Variants in WWTR1 observed in about 807,000 individuals in gnomAD.
WWTR1 encodes WW domain-containing transcription regulator protein 1.
In WWTR1, 13 loss-of-function variants were observed where a neutral mutation model predicts 40.1. The ratio of observed to expected loss-of-function variants is 0.32; its 90% confidence interval spans 0.21 to 0.52. The LOEUF (loss-of-function observed/expected upper bound fraction) is 0.52. WWTR1 is among the 20% of genes least tolerant of loss of function. The pLI is 0.97. For missense variants in WWTR1, 436 were observed against 523.1 expected, an observed-to-expected ratio of 0.83 and a Z score of 1.63; for synonymous variants, 230 against 210.1, an observed-to-expected ratio of 1.09 and a Z score of -0.82.
intron 3 of WWTR1, chr3:149,724,656 A>C (rs1312960311): frequency 6.6e-6 from 1 of 152,156 alleles, no homozygotes; most frequent in Non-Finnish European, 1.5e-5. Context: ...ACCCTATGTT[A>C]AGAACCCCTT....
intron 4 of WWTR1, chr3:149,723,994 G>A (rs1341140093): frequency 6.6e-6 from 1 of 152,200 alleles, no homozygotes; most frequent in Non-Finnish European, 1.5e-5. Flanking sequence ...GATTACAGCT[G>A]AAATTGATGA....
chr3:149,667,766 A>C (rs1351186746), intron 2 of WWTR1, among the ~76,000 whole-genome samples: 2 of 152,184 alleles, frequency 1.3e-5, no homozygotes, highest in Non-Finnish European at 2.9e-5. Flanking sequence ...TTGTAGTTCT[A>C]CTGAGTCATC....
rs777160381 is a variant in WWTR1, at chr3:149,520,930, A to G, written c.1078T>C (p.Phe360Leu). 3 of 1,613,518 alleles carry G rather than the reference A, an allele frequency of 1.9e-6. No homozygotes were observed. The African/African-American group carries it at 4.0e-5, about 22-fold the overall frequency. ...TTTGTTCCTGGAAGACAGTCAAGGA[A>G]ATCAGGGAAACGGGTCTGTTGGGGA... ...INPQQTRFPDFLDCLPGTNVD... is the reference protein window; with the variant it reads ...INPQQTRFPDLLDCLPGTNVD... The change falls in exon 7 of 7, where the codon TTC becomes CTC. Residue 360 changes from phenylalanine (F) to leucine (L), a missense_variant. Phe to Leu is a conservative substitution (Grantham distance 22). Transcript: ENST00000360632.
At chr3:149,551,312 G>T (rs1736609987) in intron 3 of WWTR1, among the ~76,000 whole-genome samples, 1 of 142,454 alleles carries the variant, frequency 7.0e-6, no homozygotes, top group Non-Finnish European at 1.5e-5. Context: ...AAAAAAAAGA[G>T]TAGAACAGGT....
Position 149,584,611 on chromosome 3 carries a change from T to C in WWTR1, c.432-11611A>G, listed in dbSNP as rs1029412853. Among the ~76,000 whole-genome samples the C allele has an allele frequency of 1.1e-4, 16 of 152,220 alleles. No individual in the cohort carries two copies. The East Asian group carries it at 3.1e-3, about 29-fold the overall frequency. On this transcript the variant is annotated intron_variant, in intron 2 of 6. Transcript: ENST00000360632. ...CTTCAGAGGAAGGGGAGAGTGCTAC[T>C]GGGGACCTTGAAAATAATTATCAGG...
intron 2 of WWTR1, among the ~76,000 whole-genome samples, chr3:149,603,805 AAT>A (rs909982862): frequency 2.0e-5 from 3 of 151,340 alleles, no homozygotes; most frequent in African/African-American, 7.3e-5. Flanking sequence ...AATATAAGAT[AAT>A]GTCAATGAAA....
chr3:149,576,432 G>A (rs896891419), intron 2 of WWTR1, among the ~76,000 whole-genome samples: 5 of 151,898 alleles, frequency 3.3e-5, no homozygotes, highest in African/African-American at 9.7e-5. Context: ...TTCCTTTCTC[G>A]TATTTCACAG....
At chr3:149,624,939 C>T (rs924082086) in intron 2 of WWTR1, among the ~76,000 whole-genome samples, 1 of 151,506 alleles carries the variant, frequency 6.6e-6, no homozygotes, top group African/African-American at 2.4e-5. Flanking sequence ...CCATGTTGGC[C>T]AGGCTGGTCT....
At chr3:149,674,056 C>CAA (rs71138404) in intron 1 of WWTR1, among the ~76,000 whole-genome samples, 12 of 121,868 alleles carry the variant, frequency 9.8e-5, no homozygotes, top group East Asian at 7.5e-4. Flanking sequence ...CTCGTCTCTA[C>CAA]AAAAAAAAAA....
intron 3 of WWTR1, among the ~76,000 whole-genome samples, chr3:149,570,644 T>C (rs931205276): frequency 2.6e-5 from 4 of 151,808 alleles, no homozygotes; most frequent in Admixed American, 2.6e-4. Flanking sequence ...AACTAAGGTA[T>C]TTTACTGAGC....
At chr3:149,579,008 A>T (rs1738021550) in intron 2 of WWTR1, among the ~76,000 whole-genome samples, 1 of 152,238 alleles carries the variant, frequency 6.6e-6, no homozygotes, top group Non-Finnish European at 1.5e-5. Context: ...GGACTTTCTG[A>T]AATAGAGAAT....
chr3:149,536,987 C>G (rs1389339193), intron 4 of WWTR1, among the ~76,000 whole-genome samples: 1 of 152,122 alleles, frequency 6.6e-6, no homozygotes, highest in East Asian at 1.9e-4. Context: ...ATACTCTCTT[C>G]AGGTAAAGCC....
intron 1 of WWTR1, among the ~76,000 whole-genome samples, chr3:149,685,088 G>T (rs968012658): frequency 4.6e-5 from 7 of 151,984 alleles, no homozygotes; most frequent in Admixed American, 3.3e-4. Context: ...TTACTGTTTC[G>T]CTATTCCCAT....
chr3:149,622,179 G>A (rs1576603107), intron 2 of WWTR1, among the ~76,000 whole-genome samples: 1 of 152,024 alleles, frequency 6.6e-6, no homozygotes, highest in Non-Finnish European at 1.5e-5. Context: ...CTTATGAGTT[G>A]TTTCTCTGAC....
At chr3:149,539,382 C>T (rs907228273) in intron 4 of WWTR1, among the ~76,000 whole-genome samples, 39 of 152,122 alleles carry the variant, frequency 2.6e-4, no homozygotes, top group Admixed American at 2.2e-3. Flanking sequence ...CTTTCTACTA[C>T]AGAAAGAGAG....
chr3:149,543,056 C>T (rs1056255792), intron 3 of WWTR1, among the ~76,000 whole-genome samples: 1 of 152,140 alleles, frequency 6.6e-6, no homozygotes, highest in Non-Finnish European at 1.5e-5. Context: ...TCCATTAATC[C>T]TTTGTTTGAA....
At chr3:149,537,527 C>T (rs1186336479) in intron 4 of WWTR1, among the ~76,000 whole-genome samples, 3 of 152,160 alleles carry the variant, frequency 2.0e-5, no homozygotes, top group African/African-American at 7.2e-5. Context: ...TTTATACATT[C>T]CGTACCATAA....
chr3:149,699,980 G>C (rs1352528208), intron 1 of WWTR1, among the ~76,000 whole-genome samples: 2 of 152,198 alleles, frequency 1.3e-5, no homozygotes, highest in Non-Finnish European at 2.9e-5. Context: ...AGGTATACCA[G>C]AGACTGGGCA....
chr3:149,701,394 C>A (rs926721569), intron 1 of WWTR1, among the ~76,000 whole-genome samples: 1 of 152,120 alleles, frequency 6.6e-6, no homozygotes. Context: ...TGCTCCTAAC[C>A]ACACCTCACG....
Sources: gnomAD v4.1 joint callset for allele counts (sites outside exome capture counted in the v4.1 genomes callset) on GRCh38, gnomAD v4.1.1 for gene constraint, MANE v1.5 for transcripts, NCBI Gene and HGNC (gene_info 2026-07-23, HGNC 2026-07-21) for gene names.